The following ITGA9 variants were observed in gnomAD, a reference collection of about 807,000 sequenced individuals.
ITGA9 encodes integrin alpha-9.
A neutral mutation model predicts 127.8 loss-of-function variants in ITGA9; 56 were observed. The ratio of observed to expected loss-of-function variants is 0.44; its 90% CI spans 0.35 to 0.55. The LOEUF (loss-of-function observed/expected upper bound fraction) is 0.55, where lower values mean the gene tolerates loss of function less well. ITGA9 is among the 20% of genes least tolerant of loss of function. The pLI is 0.00. For missense variants in ITGA9, 1,196 were observed against 1,347.1 expected (o/e 0.89, Z 1.76); for synonymous variants, 508 against 514.5 (o/e 0.99, Z 0.17).
intron 4 of ITGA9, among the ~76,000 whole-genome samples, chr3:37,486,136 C>CCGGA (rs755395948): frequency 3.1e-4 from 47 of 152,210 alleles, no homozygotes; most frequent in Non-Finnish European, 5.0e-4. Context: ...AGGCAAGAAG[C>CCGGA]CGGAACTTAG....
chr3:37,773,079 A>G (rs910657724), intron 23 of ITGA9, among the ~76,000 whole-genome samples: 1 of 152,152 alleles, frequency 6.6e-6, no homozygotes, highest in Non-Finnish European at 1.5e-5. Context: ...TTGTGGCCAG[A>G]TGACAGTGCT....
intron 11 of ITGA9, among the ~76,000 whole-genome samples, chr3:37,519,705 A>ATG (rs1488062018): frequency 1.3e-5 from 2 of 152,254 alleles, no homozygotes; most frequent in African/African-American, 4.8e-5. Flanking sequence ...ATGTTTTAAT[A>ATG]TATAATCTAG....
chr3:37,700,212 G>A (rs1424710883), intron 18 of ITGA9, among the ~76,000 whole-genome samples: 1 of 152,132 alleles, frequency 6.6e-6, no homozygotes, highest in Middle Eastern at 3.2e-3. Context: ...TCGAATTCCT[G>A]GCCTCAAGTG....
intron 3 of ITGA9, among the ~76,000 whole-genome samples, chr3:37,474,914 T>A (rs1054980122): frequency 6.6e-6 from 1 of 152,220 alleles, no homozygotes; most frequent in Non-Finnish European, 1.5e-5. Flanking sequence ...AAGCTGTTAA[T>A]CTGAATTCCG....
At chr3:37,605,180 A>G (rs1370928641) in intron 15 of ITGA9, among the ~76,000 whole-genome samples, 1 of 152,080 alleles carries the variant, frequency 6.6e-6, no homozygotes, top group African/African-American at 2.4e-5. Flanking sequence ...CATGGTTTGG[A>G]GGCAGGAATG....
chr3:37,616,780 T>C (rs1425357763), intron 15 of ITGA9, among the ~76,000 whole-genome samples: 1 of 152,218 alleles, frequency 6.6e-6, no homozygotes. Context: ...GAGACTAGGA[T>C]TGCAACCCCT....
chr3:37,722,073 C>T (rs553570153), intron 18 of ITGA9, among the ~76,000 whole-genome samples: 2 of 152,166 alleles, frequency 1.3e-5, no homozygotes, highest in Non-Finnish European at 2.9e-5. Flanking sequence ...GCTTCCCAAA[C>T]GTGTGGCCTC....
At chr3:37,662,396 AAAT>A (rs1559561092) in intron 17 of ITGA9, among the ~76,000 whole-genome samples, 1 of 151,602 alleles carries the variant, frequency 6.6e-6, no homozygotes, top group Admixed American at 6.6e-5. Context: ...GGGGGCAAAA[AAAT>A]AATAATAATA....
chr3:37,522,688 A>T lies in ITGA9; in HGVS notation c.1237-833A>T, dbSNP rs1699056008. Among the ~76,000 whole-genome samples the T allele has an allele frequency of 2.6e-5, 4 of 151,746 alleles. No homozygotes were observed. The South Asian group carries it at 8.3e-4, about 32-fold the overall frequency. On this transcript the variant is annotated intron_variant, in intron 11 of 27. Transcript: ENST00000264741. The stretch of plus-strand genomic sequence containing the variant: ...CAGTGTGCTATGATTGTGCCATTGC[A>T]TTCTAGCCTGGGCAACAGAGCAAGA...
Position 37,452,592 on chromosome 3 carries a change from C to A in ITGA9, c.185+33C>A. 6.7e-7 allele frequency: 1 copy of A among 1,482,108 alleles called. No individual in the cohort carries two copies. The highest frequency in any genetic ancestry group is 9.0e-7 in the Non-Finnish European group (1 of 1,112,992). The allele number at this position is 1,482,108 out of a possible 1,614,324, so 91.8% of individuals were successfully genotyped here. On this transcript the variant is annotated intron_variant, in intron 1 of 27. Transcript: ENST00000264741. This position sits in a 1 kb window ranked among gnomAD's most constrained non-coding sequence, Gnocchi z 7.3. ...CCCGCCCGACTCCGCGACCCTGGCCCGCGCGGCCACCGCCCCGGCCCCCAG... is the reference window on the plus strand; with the variant it reads ...CCCGCCCGACTCCGCGACCCTGGCCAGCGCGGCCACCGCCCCGGCCCCCAG...
chr3:37,596,759 AG>A (rs1699874682), intron 15 of ITGA9, among the ~76,000 whole-genome samples: 1 of 152,146 alleles, frequency 6.6e-6, no homozygotes, highest in African/African-American at 2.4e-5. Context: ...TGGGAGTTGC[AG>A]GGGAGTGTCC....
intron 15 of ITGA9, among the ~76,000 whole-genome samples, chr3:37,628,841 C>G (rs1283025779): frequency 6.6e-6 from 1 of 152,178 alleles, no homozygotes; most frequent in African/African-American, 2.4e-5. Context: ...AAAGGGTTAG[C>G]AGAGTGAGCA....
chr3:37,487,396 G>A (rs1244702105), intron 4 of ITGA9, among the ~76,000 whole-genome samples: 1 of 152,204 alleles, frequency 6.6e-6, no homozygotes, highest in Non-Finnish European at 1.5e-5. Context: ...CCTCTCTGGG[G>A]CTTTCCAGGT....
intron 26 of ITGA9, among the ~76,000 whole-genome samples, chr3:37,787,527 G>A (rs1697055958): frequency 6.6e-6 from 1 of 152,042 alleles, no homozygotes; most frequent in South Asian, 2.1e-4. Flanking sequence ...ACACACATGG[G>A]AATTCCACAA....
chr3:37,750,299 C>T (rs191447853), intron 22 of ITGA9, among the ~76,000 whole-genome samples, 163 bp from the exon 23 acceptor site: 6 of 152,330 alleles, frequency 3.9e-5, no homozygotes, highest in South Asian at 2.1e-4. Context: ...TGAAATTTCC[C>T]GTCATTCAGT....
chr3:37,486,317 G>A (rs936956694), intron 4 of ITGA9, among the ~76,000 whole-genome samples: 2 of 152,154 alleles, frequency 1.3e-5, no homozygotes, highest in African/African-American at 2.4e-5. Flanking sequence ...CCTAAATTGT[G>A]GAATCTGGCT....
chr3:37,504,532 G>A (rs1281786712), intron 6 of ITGA9, among the ~76,000 whole-genome samples: 1 of 152,178 alleles, frequency 6.6e-6, no homozygotes, highest in Non-Finnish European at 1.5e-5. Flanking sequence ...ATGTGGGATT[G>A]TGTCTCACAT....
intron 27 of ITGA9, among the ~76,000 whole-genome samples, chr3:37,810,619 T>C (rs929719992): frequency 6.6e-6 from 1 of 152,096 alleles, no homozygotes; most frequent in South Asian, 2.1e-4. Flanking sequence ...TTTCACCATA[T>C]TGGCCAGGCT....
At chr3:37,545,441 A>G (rs1463382697) in intron 15 of ITGA9, among the ~76,000 whole-genome samples, 1 of 152,160 alleles carries the variant, frequency 6.6e-6, no homozygotes, top group Non-Finnish European at 1.5e-5. Context: ...TTATCATGGA[A>G]GACCGCACAG....
Sources: allele counts gnomAD v4.1 joint callset (sites outside exome capture counted in the v4.1 genomes callset), GRCh38; gene constraint gnomAD v4.1.1; non-coding constraint Gnocchi (gnomAD v3.1); transcripts MANE v1.5; gene names NCBI Gene and HGNC (gene_info 2026-07-23, HGNC 2026-07-21).